The following FBXL17 variants were observed in gnomAD, a reference collection of about 807,000 sequenced individuals.
The protein encoded by FBXL17 is F-box and leucine rich repeat protein 17.
In FBXL17, 22 loss-of-function variants were observed where a neutral mutation model predicts 66.2. The ratio of observed to expected loss-of-function variants is 0.33; its 90% CI spans 0.24 to 0.47. The LOEUF (loss-of-function observed/expected upper bound fraction) is 0.47, where lower values mean the gene tolerates loss of function less well. FBXL17 is among the 20% of genes least tolerant of loss of function. The probability of loss-of-function intolerance (pLI) is 1.00; values close to 1 mark genes in which losing one functional copy is unlikely to be tolerated. For synonymous variants in FBXL17, 474 were observed against 400.5 expected, an observed-to-expected ratio of 1.18 and a Z score of -2.19; for missense variants, 878 against 948.2, an observed-to-expected ratio of 0.93 and a Z score of 0.97.
At chr5:108,344,476 A>C (rs1413109921) in intron 4 of FBXL17, among the ~76,000 whole-genome samples, 2 of 152,162 alleles carry the variant, frequency 1.3e-5, no homozygotes, top group African/African-American at 2.4e-5. Context: ...TTACAGCCTA[A>C]TTATTCAGAG....
intron 6 of FBXL17, among the ~76,000 whole-genome samples, chr5:108,064,154 C>A (rs1008744144): frequency 6.6e-6 from 1 of 151,888 alleles, no homozygotes; most frequent in African/African-American, 2.4e-5. Flanking sequence ...ACATTATGGC[C>A]CTGTTTATTA....
intron 3 of FBXL17, among the ~76,000 whole-genome samples, chr5:108,363,571 A>G (rs1486012978): frequency 6.6e-6 from 1 of 152,012 alleles, no homozygotes; most frequent in Non-Finnish European, 1.5e-5. Context: ...TCTAGAGAAG[A>G]TTTACATAAT....
At chr5:108,171,122 T>G (rs1242566117) in intron 6 of FBXL17, among the ~76,000 whole-genome samples, 6 of 152,228 alleles carry the variant, frequency 3.9e-5, no homozygotes, top group Non-Finnish European at 1.5e-5. Context: ...TTTTTCTCCA[T>G]GCATTCTCTA....
chr5:107,904,589 T>C (rs557205246), intron 7 of FBXL17, among the ~76,000 whole-genome samples: 2 of 152,212 alleles, frequency 1.3e-5, no homozygotes, highest in East Asian at 3.9e-4. Context: ...ATAGCCTGCT[T>C]TGGGGCCTAG....
rs947979770 is a variant in FBXL17 at position 108,308,414 on chromosome 5, T to TGCCCAC, written c.1506+39979_1506+39984dup. On this transcript the variant is annotated intron_variant, in intron 4 of 8. Transcript: ENST00000542267. ...TGAGGTTCATAGATATTAAATAACTTGCCCACAATCACAAGGCTAGTAAGG... is the reference window on the plus strand; with the variant it reads ...TGAGGTTCATAGATATTAAATAACTTGCCCACGCCCACAATCACAAGGCTAGTAAGG... Among the ~76,000 whole-genome samples the TGCCCAC allele has an allele frequency of 2.0e-5, 3 of 152,114 alleles. No homozygotes were observed. In the East Asian group the frequency reaches 5.8e-4, roughly 29 times the overall value.
intron 3 of FBXL17, among the ~76,000 whole-genome samples, chr5:108,354,456 C>T (rs1388655562): frequency 6.6e-6 from 1 of 150,880 alleles, no homozygotes; most frequent in East Asian, 1.9e-4. Context: ...AGAAAAAAGA[C>T]TGAAAAAAAA....
At chr5:107,928,901 T>C (rs1475056389) in intron 7 of FBXL17, among the ~76,000 whole-genome samples, 1 of 152,122 alleles carries the variant, frequency 6.6e-6, no homozygotes, top group African/African-American at 2.4e-5. Context: ...GGAAAAAGAA[T>C]TCTTTGCTAA....
intron 5 of FBXL17, among the ~76,000 whole-genome samples, chr5:108,189,064 C>A (rs1167332840): frequency 4.6e-5 from 7 of 152,112 alleles, no homozygotes; most frequent in Non-Finnish European, 2.9e-5. Flanking sequence ...GGGCTTGGAG[C>A]AAAATGGAAG....
chr5:108,074,792 A>G (rs1181827075), intron 6 of FBXL17, among the ~76,000 whole-genome samples: 1 of 152,178 alleles, frequency 6.6e-6, no homozygotes, highest in Non-Finnish European at 1.5e-5. Flanking sequence ...ACTATGAGAG[A>G]ACACTTGACC....
chr5:108,191,627 T>C (rs1373934089), intron 5 of FBXL17, among the ~76,000 whole-genome samples: 1 of 152,202 alleles, frequency 6.6e-6, no homozygotes, highest in Non-Finnish European at 1.5e-5. Context: ...AGCTATTTTA[T>C]AGACTTGTGA....
At chr5:108,047,242 G>A (rs906816244) in intron 6 of FBXL17, among the ~76,000 whole-genome samples, 12 of 152,222 alleles carry the variant, frequency 7.9e-5, no homozygotes, top group African/African-American at 2.2e-4. Flanking sequence ...TCATCCAAAA[G>A]AGGTGGCGAG....
chr5:108,240,870 CAGAG>C (rs142698907), intron 4 of FBXL17, among the ~76,000 whole-genome samples: 20 of 150,426 alleles, frequency 1.3e-4, no homozygotes, highest in Admixed American at 6.0e-4. Context: ...GGGAGAGAGA[CAGAG>C]AGAGAGAGAG....
Position 107,862,589 on chromosome 5 carries a change from T to C in FBXL17, c.1966-729A>G, listed in dbSNP as rs181373394. 1.1e-3 allele frequency among the ~76,000 whole-genome samples: 171 copies of C among 152,348 alleles called. 1 individual carries two copies. The highest frequency in any genetic ancestry group is 4.0e-3 in the African/African-American group (166 of 41,588). On this transcript the variant is annotated intron_variant, in intron 8 of 8. Coordinates refer to ENST00000542267, the MANE Select transcript of FBXL17 (RefSeq NM_001163315.3). ...GTTCATATCACAGAAGTAGACAGTT[T>C]TCTTCATCCTTTAGATAAATAAATG...
At chr5:108,325,209 A>C (rs1759793844) in intron 4 of FBXL17, among the ~76,000 whole-genome samples, 1 of 152,104 alleles carries the variant, frequency 6.6e-6, no homozygotes, top group African/African-American at 2.4e-5. Flanking sequence ...ATTTTACCAC[A>C]ATTATTTTTT....
chr5:108,076,486 C>A (rs1748551619), intron 6 of FBXL17, among the ~76,000 whole-genome samples: 1 of 152,020 alleles, frequency 6.6e-6, no homozygotes, highest in Non-Finnish European at 1.5e-5. Context: ...AAAAACAATT[C>A]TATACATAAA....
chr5:107,941,814 C>T (rs1230768871), intron 7 of FBXL17, among the ~76,000 whole-genome samples: 2 of 152,122 alleles, frequency 1.3e-5, no homozygotes, highest in Admixed American at 1.3e-4. Context: ...TTATGCATCC[C>T]CCTTCCTCCA....
At chr5:108,108,742 T>C (rs374541874) in intron 6 of FBXL17, among the ~76,000 whole-genome samples, 1 of 152,102 alleles carries the variant, frequency 6.6e-6, no homozygotes, top group African/African-American at 2.4e-5. Context: ...AGCACCCCCA[T>C]TATATGTTTC....
chr5:107,919,562 T>G (rs1750244379), intron 7 of FBXL17, among the ~76,000 whole-genome samples: 1 of 152,174 alleles, frequency 6.6e-6, no homozygotes, highest in South Asian at 2.1e-4. Context: ...TCAACTCTAC[T>G]GCTCTCGCTC....
chr5:107,977,435 T>C (rs1325719773), intron 7 of FBXL17, among the ~76,000 whole-genome samples: 1 of 152,208 alleles, frequency 6.6e-6, no homozygotes, highest in Non-Finnish European at 1.5e-5. Flanking sequence ...ACTCCTACTT[T>C]ACAGAGAAAA....
Sources: gnomAD v4.1 joint callset for allele counts (sites outside exome capture counted in the v4.1 genomes callset) on GRCh38, gnomAD v4.1.1 for gene constraint, MANE v1.5 for transcripts, NCBI Gene and HGNC (gene_info 2026-07-23, HGNC 2026-07-21) for gene names.